LRRC4C: variants seen among roughly 807,000 people sequenced by gnomAD.
LRRC4C encodes the protein leucine-rich repeat-containing protein 4C.
In LRRC4C, 5 loss-of-function variants were observed where a neutral mutation model predicts 33.6. The ratio of observed to expected loss-of-function variants is 0.15; its 90% CI spans 0.08 to 0.31. The LOEUF is 0.31. Ranked by LOEUF, LRRC4C falls within the 10% of genes least tolerant of loss-of-function variation. LRRC4C has a pLI of 1.00. For synonymous variants in LRRC4C, 329 were observed against 302.0 expected (o/e 1.09, Z -0.93); for missense variants, 560 against 796.7 (o/e 0.70, Z 3.58).
At position 41,026,975 on chromosome 11, in the gene LRRC4C, C is replaced by T. The variant is rs369921947; in HGVS notation, c.-495-93252G>A. Among the ~76,000 whole-genome samples the T allele has an allele frequency of 9.6e-4, 146 of 151,634 alleles. 4 individuals carry two copies. In the South Asian group the frequency reaches 0.028, roughly 29 times the overall value. On this transcript the variant is annotated intron_variant, in intron 1 of 6. Coordinates refer to ENST00000528697, the MANE Select transcript of LRRC4C (RefSeq NM_001258419.2). Reference sequence around the variant, plus strand: ...TTTATTGCAATGTTCTGGAACCAAACGCACACTCTCTCTTTTCTCTTGATA... The same window carrying T: ...TTTATTGCAATGTTCTGGAACCAAATGCACACTCTCTCTTTTCTCTTGATA...
At chr11:40,484,326 G>C (rs935599629) in intron 3 of LRRC4C, among the ~76,000 whole-genome samples, 2 of 151,856 alleles carry the variant, frequency 1.3e-5, no homozygotes, top group African/African-American at 4.8e-5. Flanking sequence ...CCCATCAATA[G>C]GGAACATGAA....
At chr11:41,087,239 C>G (rs1020260956) in intron 1 of LRRC4C, among the ~76,000 whole-genome samples, 1 of 152,102 alleles carries the variant, frequency 6.6e-6, no homozygotes, top group Non-Finnish European at 1.5e-5. Flanking sequence ...AATACCATAG[C>G]TGAATCCACG....
At chr11:40,893,257 G>C (rs1955799084) in intron 2 of LRRC4C, among the ~76,000 whole-genome samples, 1 of 151,900 alleles carries the variant, frequency 6.6e-6, no homozygotes, top group South Asian at 2.1e-4. Flanking sequence ...GGAAAATGAG[G>C]ATTGTTATTA....
At chr11:41,178,846 G>T (rs943883162) in intron 1 of LRRC4C, among the ~76,000 whole-genome samples, 2 of 152,146 alleles carry the variant, frequency 1.3e-5, no homozygotes, top group Non-Finnish European at 2.9e-5. Flanking sequence ...GGGATTACAG[G>T]TGCCCACCAC....
intron 2 of LRRC4C, among the ~76,000 whole-genome samples, chr11:40,928,473 A>G (rs1957484513): frequency 6.6e-6 from 1 of 151,956 alleles, no homozygotes; most frequent in Non-Finnish European, 1.5e-5. Flanking sequence ...GTAGTGGAAT[A>G]TTTTCAAATG....
At chr11:40,813,589 C>G (rs1178126867) in intron 2 of LRRC4C, among the ~76,000 whole-genome samples, 4 of 152,150 alleles carry the variant, frequency 2.6e-5, no homozygotes, top group Non-Finnish European at 5.9e-5. Flanking sequence ...CATGTTCTCA[C>G]ATTTCAAAAC....
chr11:40,913,897 C>T (rs992728300), intron 2 of LRRC4C, among the ~76,000 whole-genome samples: 9 of 152,118 alleles, frequency 5.9e-5, no homozygotes, highest in African/African-American at 1.7e-4. Flanking sequence ...ACACAAACTA[C>T]CATCGGAGAA....
intron 2 of LRRC4C, among the ~76,000 whole-genome samples, chr11:40,904,345 GT>G (rs1487761799): frequency 6.6e-6 from 1 of 152,072 alleles, no homozygotes; most frequent in South Asian, 2.1e-4. Context: ...ACAGCTTTCT[GT>G]TTTTTAGGCT....
At chr11:40,367,176 C>T in intron 3 of LRRC4C, among the ~76,000 whole-genome samples, 1 of 151,936 alleles carries the variant, frequency 6.6e-6, no homozygotes, top group South Asian at 2.1e-4. Context: ...ACAGCCAAGC[C>T]CATTGTAGAC....
chr11:40,394,289 A>T (rs554682816), intron 3 of LRRC4C, among the ~76,000 whole-genome samples: 26 of 152,276 alleles, frequency 1.7e-4, no homozygotes, highest in South Asian at 6.2e-4. Flanking sequence ...GTTTGTATAC[A>T]CACAGTGAAT....
At chr11:41,085,487 T>C (rs1402714488) in intron 1 of LRRC4C, among the ~76,000 whole-genome samples, 1 of 152,136 alleles carries the variant, frequency 6.6e-6, no homozygotes, top group Non-Finnish European at 1.5e-5. Context: ...TTATGTAACC[T>C]CACTAAGCAA....
intron 3 of LRRC4C, among the ~76,000 whole-genome samples, chr11:40,504,069 T>A (rs1247097467): frequency 6.6e-6 from 1 of 152,126 alleles, no homozygotes; most frequent in Non-Finnish European, 1.5e-5. Context: ...ATTTACATGG[T>A]GAAAAGAGTT....
intron 5 of LRRC4C, among the ~76,000 whole-genome samples, chr11:40,203,266 T>C (rs1862902049): frequency 6.6e-6 from 1 of 152,188 alleles, no homozygotes; most frequent in Admixed American, 6.5e-5. Flanking sequence ...ACTCCATTAA[T>C]ATTAATATAC....
At chr11:40,874,925 C>G (rs896926054) in intron 2 of LRRC4C, among the ~76,000 whole-genome samples, 1 of 152,118 alleles carries the variant, frequency 6.6e-6, no homozygotes, top group Non-Finnish European at 1.5e-5. Context: ...GTTCTGACTA[C>G]TCTTAGAACT....
chr11:40,934,123 C>G (rs1055949967), intron 1 of LRRC4C, among the ~76,000 whole-genome samples: 1 of 152,146 alleles, frequency 6.6e-6, no homozygotes, highest in African/African-American at 2.4e-5. Context: ...TGTGCCTTTT[C>G]ATGCCTCTAT....
chr11:41,206,229 T>C (rs1457427199), intron 1 of LRRC4C, among the ~76,000 whole-genome samples: 1 of 152,182 alleles, frequency 6.6e-6, no homozygotes, highest in Non-Finnish European at 1.5e-5. Context: ...TTCCACCAGG[T>C]TGGCTTTTTC....
intron 3 of LRRC4C, among the ~76,000 whole-genome samples, chr11:40,583,979 AC>A (rs1420152301): frequency 6.6e-6 from 1 of 151,570 alleles, no homozygotes; most frequent in Non-Finnish European, 1.5e-5. Context: ...TACTGACAAA[AC>A]AAAAGTTCTA....
chr11:40,154,116 G>C (rs1341560507), intron 5 of LRRC4C, among the ~76,000 whole-genome samples: 2 of 152,066 alleles, frequency 1.3e-5, no homozygotes, highest in East Asian at 3.9e-4. Context: ...AGACGGGATT[G>C]GGGCCCTATC....
intron 2 of LRRC4C, among the ~76,000 whole-genome samples, chr11:40,875,065 C>G (rs1405462541): frequency 6.6e-6 from 1 of 151,984 alleles, no homozygotes; most frequent in Non-Finnish European, 1.5e-5. Context: ...TATAAAATGT[C>G]AGAATTTATA....
Sources: gnomAD v4.1 joint callset for allele counts (sites outside exome capture counted in the v4.1 genomes callset) on GRCh38, gnomAD v4.1.1 for gene constraint, MANE v1.5 for transcripts, NCBI Gene and HGNC (gene_info 2026-07-23, HGNC 2026-07-21) for gene names.